The following SNX29 variants were observed in gnomAD, a reference collection of about 807,000 sequenced individuals.
SNX29 encodes sorting nexin 29.
A neutral mutation model predicts 102.1 loss-of-function variants in SNX29; 78 were observed. That is an observed-to-expected ratio of 0.76 (90% CI 0.64 to 0.92). The LOEUF is 0.92. Among genes scored for constraint, SNX29 ranks in the 40% least tolerant of loss-of-function variants. SNX29 has a pLI of 0.00. For synonymous variants in SNX29, 580 were observed against 414.5 expected, an observed-to-expected ratio of 1.40 and a Z score of -4.85; for missense variants, 1,280 against 1,061.7, an observed-to-expected ratio of 1.21 and a Z score of -2.86.
At chr16:12,529,371 G>T (rs994122271) in intron 20 of SNX29, among the ~76,000 whole-genome samples, 3 of 152,184 alleles carry the variant, frequency 2.0e-5, no homozygotes, top group Admixed American at 1.3e-4. Flanking sequence ...ACACTTTGCA[G>T]ATGGCAGAGA....
At chr16:12,287,919 G>T (rs1320347826) in intron 15 of SNX29, among the ~76,000 whole-genome samples, 1 of 152,164 alleles carries the variant, frequency 6.6e-6, no homozygotes, top group Non-Finnish European at 1.5e-5. Flanking sequence ...TGTATTACAT[G>T]TGTGGTACTT....
At chr16:12,330,342 C>T (rs1013830863) in intron 15 of SNX29, among the ~76,000 whole-genome samples, 1 of 152,120 alleles carries the variant, frequency 6.6e-6, no homozygotes, top group Non-Finnish European at 1.5e-5. Flanking sequence ...TGGCGGACGC[C>T]TCTAATCCCA....
At chr16:12,091,018 A>C (rs2052503451) in intron 11 of SNX29, among the ~76,000 whole-genome samples, 1 of 94,102 alleles carries the variant, frequency 1.1e-5, no homozygotes. Context: ...TCATCTCAAA[A>C]AAAAAAAAAA....
intron 19 of SNX29, among the ~76,000 whole-genome samples, chr16:12,522,979 T>G (rs1413938606): frequency 6.6e-6 from 1 of 152,188 alleles, no homozygotes; most frequent in Non-Finnish European, 1.5e-5. Context: ...CCCGGCTACT[T>G]TTTTCAATTT....
At chr16:12,048,153 T>A (rs2050160777) in intron 6 of SNX29, among the ~76,000 whole-genome samples, 1 of 148,872 alleles carries the variant, frequency 6.7e-6, no homozygotes, top group South Asian at 2.2e-4. Context: ...CATGGGAGGT[T>A]TTTTTTTTTT....
At chr16:12,525,721 A>G (rs927861735) in intron 20 of SNX29, among the ~76,000 whole-genome samples, 62 of 134,024 alleles carry the variant, frequency 4.6e-4, no homozygotes, top group African/African-American at 1.5e-3. Flanking sequence ...AAAAAAAGAA[A>G]AAATCATTAC....
intron 8 of SNX29, chr16:12,060,895 C>A: frequency 2.2e-6 from 1 of 456,024 alleles, no homozygotes; most frequent in Non-Finnish European, 4.4e-6. Context: ...GAGCCGACTC[C>A]CTTTCTTGGA....
At chr16:12,552,220 G>C (rs1321713665) in intron 20 of SNX29, among the ~76,000 whole-genome samples, 1 of 151,954 alleles carries the variant, frequency 6.6e-6, no homozygotes, top group East Asian at 1.9e-4. Context: ...CGTGGAGTCA[G>C]ACATCCAGCA....
At chr16:12,463,573 C>T (rs1373808372) in intron 18 of SNX29, among the ~76,000 whole-genome samples, 2 of 152,206 alleles carry the variant, frequency 1.3e-5, no homozygotes, top group East Asian at 3.8e-4. Context: ...ATTCAATTAT[C>T]TCCCACCGGG....
intron 20 of SNX29, among the ~76,000 whole-genome samples, chr16:12,532,893 C>T (rs1039643463): frequency 1.3e-5 from 2 of 152,210 alleles, no homozygotes; most frequent in Non-Finnish European, 2.9e-5. Context: ...GAATCAACAC[C>T]TAGCCCCAGA....
At chr16:12,545,500 CGT>C (rs2077553901) in intron 20 of SNX29, 1 of 152,222 alleles carries the variant, frequency 6.6e-6, no homozygotes. Context: ...GTGGCAAGAC[CGT>C]GTGTCCTGTC....
At position 12,502,735 on chromosome 16, in the gene SNX29, C is replaced by G. The variant is rs550932771; in HGVS notation, c.2179-21967C>G. On this transcript the variant is annotated intron_variant, in intron 19 of 20. Transcript: ENST00000566228. The stretch of plus-strand genomic sequence containing the variant: ...GTGAAACATGAACTTTAAATGTGAA[C>G]TTAGATGACAAATTATAATAGGAGT... Among the ~76,000 whole-genome samples, 44 of 152,332 alleles carry G rather than the reference C, an allele frequency of 2.9e-4. 1 individual carries two copies. In the South Asian group the frequency reaches 8.1e-3, roughly 28 times the overall value.
chr16:12,220,691 T>C (rs971602636), intron 14 of SNX29, among the ~76,000 whole-genome samples: 1 of 152,286 alleles, frequency 6.6e-6, no homozygotes, highest in African/African-American at 2.4e-5. Flanking sequence ...CTTTTCCTTT[T>C]AATTTCTGAC....
chr16:12,525,802 A>T (rs2076767514), intron 20 of SNX29, among the ~76,000 whole-genome samples: 1 of 151,046 alleles, frequency 6.6e-6, no homozygotes, highest in African/African-American at 2.4e-5. Context: ...TCGAAATGTC[A>T]TGCAGTGACT....
chr16:12,529,813 C>G (rs139073609), intron 20 of SNX29, among the ~76,000 whole-genome samples: 2 of 152,202 alleles, frequency 1.3e-5, no homozygotes, highest in African/African-American at 2.4e-5. Context: ...CTGTGCACTG[C>G]CAGGGGTCAC....
intron 20 of SNX29, among the ~76,000 whole-genome samples, chr16:12,550,088 A>T (rs1007924612): frequency 1.3e-5 from 2 of 152,224 alleles, no homozygotes; most frequent in Non-Finnish European, 2.9e-5. Flanking sequence ...AAGTTTGCCA[A>T]CCTATGGGCT....
chr16:12,115,776 C>T (rs1279494015), intron 11 of SNX29, among the ~76,000 whole-genome samples: 1 of 152,222 alleles, frequency 6.6e-6, no homozygotes, highest in Non-Finnish European at 1.5e-5. Context: ...TATGTTCCTC[C>T]TCGAGGCCTT....
intron 15 of SNX29, among the ~76,000 whole-genome samples, chr16:12,303,632 A>G (rs545426124): frequency 1.3e-5 from 2 of 152,260 alleles, no homozygotes; most frequent in Non-Finnish European, 2.9e-5. Context: ...GAGGGCCAGC[A>G]TTGGAGAGAG....
At chr16:12,380,525 C>CCA (rs2083048222) in intron 16 of SNX29, among the ~76,000 whole-genome samples, 1 of 133,586 alleles carries the variant, frequency 7.5e-6, no homozygotes, top group African/African-American at 2.8e-5. Context: ...CCTCATCCAT[C>CCA]CACCTGTCCA....
Sources: allele counts gnomAD v4.1 joint callset (sites outside exome capture counted in the v4.1 genomes callset), GRCh38; gene constraint gnomAD v4.1.1; transcripts MANE v1.5; gene names NCBI Gene and HGNC (gene_info 2026-07-23, HGNC 2026-07-21).